The following HP1BP3 variants were observed in gnomAD, a reference collection of about 807,000 sequenced individuals.
HP1BP3 encodes heterochromatin protein 1-binding protein 3.
A neutral mutation model predicts 62.5 loss-of-function variants in HP1BP3; 12 were observed. That is an observed-to-expected ratio of 0.19 (90% CI 0.12 to 0.31). The LOEUF is 0.31. HP1BP3 is among the 10% of genes least tolerant of loss of function. HP1BP3 has a pLI of 1.00. For synonymous variants in HP1BP3, 260 were observed against 237.8 expected, an observed-to-expected ratio of 1.09 and a Z score of -0.86; for missense variants, 502 against 651.8, an observed-to-expected ratio of 0.77 and a Z score of 2.50.
In HP1BP3 at chr1:20,749,796, C is replaced by T. The variant is rs750105035; in HGVS notation, c.1068G>A (p.Pro356=). ...ILSAIAAMNE[P]KTCSTTALKK... is the part of the protein sequence containing the mutation. ...TCAGAGCAGTGGTAGAGCAGGTCTT[C>T]GGCTCATTCATGGCAGCAATGGCAG... Residue 356 remains proline (P), a synonymous_variant, in exon 10 of 13, where the codon CCG becomes CCA. Transcript: ENST00000438032. 9 of 1,613,990 alleles carry T rather than the reference C, an allele frequency of 5.6e-6. No homozygotes were observed. Among genetic ancestry groups the T allele is most frequent in the Middle Eastern group, 1.6e-4 (1 of 6,062 alleles).
intron 3 of HP1BP3, 53 bp downstream of exon 3, chr1:20,779,759 C>A (rs1275076589): frequency 5.8e-6 from 7 of 1,207,820 alleles, no homozygotes; most frequent in Non-Finnish European, 8.3e-6. Flanking sequence ...TGGGACACTC[C>A]AAATTGCAGT....
At chr1:20,777,403 T>C (rs1359443058) in intron 3 of HP1BP3, among the ~76,000 whole-genome samples, 1 of 152,188 alleles carries the variant, frequency 6.6e-6, no homozygotes, top group Admixed American at 6.5e-5. Flanking sequence ...GAACTAATTA[T>C]TGCAATAATG....
intron 8 of HP1BP3, among the ~76,000 whole-genome samples, chr1:20,760,463 C>A (rs1557651730): frequency 6.6e-6 from 1 of 151,964 alleles, no homozygotes; most frequent in Admixed American, 6.6e-5. Context: ...ATCGTTTGAG[C>A]CTAGGAGTTC....
chr1:20,767,408 T>A (rs1018859437), intron 7 of HP1BP3, among the ~76,000 whole-genome samples, 176 bp downstream of exon 7: 6 of 152,234 alleles, frequency 3.9e-5, no homozygotes, highest in Admixed American at 3.9e-4. Flanking sequence ...TGCTTGGATC[T>A]GCACCTTGGC....
In HP1BP3 at chr1:20,744,762, G is replaced by C; in HGVS notation, c.*35C>G. The C allele has an allele frequency of 6.5e-7, 1 of 1,536,740 alleles. No homozygotes were observed. Among genetic ancestry groups the C allele is most frequent in the East Asian group, 2.3e-5 (1 of 44,424 alleles). ...CACTGACCTTAGAAAATAAGATTTT[G>C]AATTTCATCATGATACCCTTTTTTC... is the stretch of plus-strand genomic sequence containing the variant. On this transcript the variant is annotated 3_prime_UTR_variant, in exon 13 of 13. Coordinates refer to ENST00000438032, the MANE Select transcript of HP1BP3 (RefSeq NM_001372052.1).
intron 1 of HP1BP3, among the ~76,000 whole-genome samples, chr1:20,785,823 T>C (rs1265883045): frequency 1.3e-5 from 2 of 152,212 alleles, no homozygotes; most frequent in Non-Finnish European, 2.9e-5. Context: ...CACTAAACTT[T>C]TGAGAAGAGC....
intron 1 of HP1BP3, among the ~76,000 whole-genome samples, chr1:20,785,828 A>G (rs2057796265): frequency 6.6e-6 from 1 of 152,250 alleles, no homozygotes; most frequent in African/African-American, 2.4e-5. Flanking sequence ...AACTTTTGAG[A>G]AGAGCAATGA....
intron 8 of HP1BP3, among the ~76,000 whole-genome samples, chr1:20,763,914 T>C (rs566831307): frequency 6.6e-6 from 1 of 152,306 alleles, no homozygotes; most frequent in South Asian, 2.1e-4. Flanking sequence ...ATCATATATA[T>C]GTTTTTTGAG....
intron 9 of HP1BP3, among the ~76,000 whole-genome samples, chr1:20,754,959 T>C (rs1435961153): frequency 6.6e-6 from 1 of 152,130 alleles, no homozygotes; most frequent in Non-Finnish European, 1.5e-5. Context: ...AAATGATAAA[T>C]AGGACTTCAT....
At chr1:20,768,616 G>A (rs185344754) in intron 6 of HP1BP3, among the ~76,000 whole-genome samples, 3 of 152,252 alleles carry the variant, frequency 2.0e-5, no homozygotes, top group Admixed American at 6.5e-5. Flanking sequence ...GAGGTGGGCA[G>A]ATCACTTGAG....
At position 20,740,843 on chromosome 1, in the gene HP1BP3, G is replaced by A. The variant is rs2055062106; in HGVS notation, c.*3954C>T. ...AAAAAATAATAAGTAAAAGAATATA[G>A]TTATAAAGACGGTAGAGATTAATTT... On this transcript the variant is annotated 3_prime_UTR_variant, in exon 13 of 13. Transcript: ENST00000438032. Among the ~76,000 whole-genome samples the A allele has an allele frequency of 6.6e-6, 1 of 152,174 alleles. No homozygotes were observed. Among genetic ancestry groups the A allele is most frequent in the South Asian group, 2.1e-4 (1 of 4,830 alleles).
chr1:20,741,747 T>C lies in HP1BP3; in HGVS notation c.*3050A>G, dbSNP rs1257328364. 6.6e-6 allele frequency among the ~76,000 whole-genome samples: 1 copy of C among 152,180 alleles called. No individual in the cohort carries two copies. The highest frequency in any genetic ancestry group is 1.5e-5 in the Non-Finnish European group (1 of 68,026). On this transcript the variant is annotated 3_prime_UTR_variant, in exon 13 of 13. Transcript: ENST00000438032. ...AGGTAGCTTGTAGGTAGTTTCAGAG[T>C]GTATGAAACACTGTAAATGAGGTCA...
chr1:20,765,663 T>C (rs1172070363), intron 7 of HP1BP3, 132 bp from the exon 8 acceptor site: 4 of 696,892 alleles, frequency 5.7e-6, no homozygotes, highest in African/African-American at 3.7e-5. Context: ...AAATTTTCAA[T>C]GGACAGCATT....
chr1:20,765,175 TAA>T (rs4057761), intron 8 of HP1BP3, among the ~76,000 whole-genome samples, 200 bp downstream of exon 8: 9 of 57,328 alleles, frequency 1.6e-4, no homozygotes, highest in Admixed American at 7.9e-4. Context: ...CTCAAAAAAC[TAA>T]AAAAAAAAAA....
chr1:20,750,010 T>C, intron 9 of HP1BP3, 128 bp from the exon 10 acceptor site: 1 of 1,454,402 alleles, frequency 6.9e-7, no homozygotes, highest in Admixed American at 2.9e-5. Flanking sequence ...CAATAAATTG[T>C]CAGCTTAGGG....
chr1:20,745,989 G>A (rs2055295455), intron 11 of HP1BP3, among the ~76,000 whole-genome samples: 1 of 151,886 alleles, frequency 6.6e-6, no homozygotes, highest in African/African-American at 2.4e-5. Context: ...TGAACAGTCT[G>A]CATGGAATAC....
chr1:20,773,795 G>A (rs892490934), intron 4 of HP1BP3, 185 bp from the exon 5 acceptor site: 3 of 436,680 alleles, frequency 6.9e-6, no homozygotes, highest in Admixed American at 8.1e-5. Flanking sequence ...TACTATAAAT[G>A]AATTAAAAAG....
intron 4 of HP1BP3, chr1:20,775,973 A>G: frequency 6.6e-7 from 1 of 1,508,110 alleles, no homozygotes; most frequent in East Asian, 2.5e-5. Context: ...CTGACCAATT[A>G]TGAAAAGAGT....
intron 11 of HP1BP3, 104 bp downstream of exon 11, chr1:20,747,440 G>T: frequency 1.4e-6 from 1 of 736,130 alleles, no homozygotes; most frequent in Non-Finnish European, 2.2e-6. Context: ...AAGGACGACT[G>T]TATTTCCAGT....
Sources: allele counts gnomAD v4.1 joint callset (sites outside exome capture counted in the v4.1 genomes callset), GRCh38; gene constraint gnomAD v4.1.1; transcripts MANE v1.5; gene names NCBI Gene and HGNC (gene_info 2026-07-23, HGNC 2026-07-21).